PAWR: variants seen among roughly 807,000 people sequenced by gnomAD.
The protein encoded by PAWR is pro-apoptotic WT1 regulator.
Under a neutral mutation model 32.0 loss-of-function variants are expected in PAWR, and 23 were observed. That is an observed-to-expected ratio of 0.72 (90% confidence interval 0.52 to 1.02). The LOEUF is 1.02. PAWR is among the 50% of genes least tolerant of loss of function. The pLI is 0.00. For synonymous variants in PAWR, 226 were observed against 187.1 expected (o/e 1.21, Z -1.70); for missense variants, 457 against 437.7 (o/e 1.04, Z -0.39).
Position 79,690,233 on chromosome 12 carries a change from A to G in PAWR, c.12T>C (p.Gly4=). Residue 4 remains glycine, a synonymous_variant, in exon 2 of 7, where the codon GGT becomes GGC. Coordinates refer to ENST00000328827, the MANE Select transcript of PAWR (RefSeq NM_002583.4). Reference sequence around the variant, plus strand: ...CGAGGCCGCTGCTGGTCCGGTAGCCACCGGTCGCCATATTCCCAAAGGGGC... The same window carrying G: ...CGAGGCCGCTGCTGGTCCGGTAGCCGCCGGTCGCCATATTCCCAAAGGGGC... MAT[G]GYRTSSGLGG... The G allele has an allele frequency of 1.3e-6, 2 of 1,514,280 alleles. No individual in the cohort carries two copies. The highest frequency in any genetic ancestry group is 5.4e-5 in the East Asian group (2 of 36,704). 93.8% of individuals were successfully genotyped at this position (1,514,280 alleles called of 1,614,324 possible). A position where few individuals can be genotyped will look rare whatever the true frequency, so the allele number is the denominator to read the frequency against.
Position 79,668,765 on chromosome 12 carries a change from T to TGCTCACC in PAWR, c.516+20957_516+20963dup, listed in dbSNP as rs1220245921. On this transcript the variant is annotated intron_variant, in intron 2 of 6. Coordinates refer to ENST00000328827, the MANE Select transcript of PAWR (RefSeq NM_002583.4). ...GGTGAAGCTTTGCTCGCTTGCCCAC[T>TGCTCACC]GCTCACCTCCTGCTGTGTGGCCTGG... 2.6e-4 allele frequency among the ~76,000 whole-genome samples: 39 copies of TGCTCACC among 152,290 alleles called. No individual in the cohort carries two copies. The East Asian group carries it at 7.1e-3, about 28-fold the overall frequency.
chr12:79,689,570 G>C (rs1878863284), intron 2 of PAWR, among the ~76,000 whole-genome samples, 159 bp downstream of exon 2: 1 of 152,160 alleles, frequency 6.6e-6, no homozygotes, highest in African/African-American at 2.4e-5. Flanking sequence ...CATTTGTTCA[G>C]AGTAAAACTC....
At chr12:79,647,260 C>T (rs1429373252) in intron 2 of PAWR, among the ~76,000 whole-genome samples, 1 of 151,428 alleles carries the variant, frequency 6.6e-6, no homozygotes, top group East Asian at 1.9e-4. Context: ...GAGATAATTA[C>T]TAAATTTGGT....
At chr12:79,608,330 TG>T (rs1474501896) in intron 4 of PAWR, among the ~76,000 whole-genome samples, 4 of 152,150 alleles carry the variant, frequency 2.6e-5, no homozygotes, top group Non-Finnish European at 5.9e-5. Flanking sequence ...GGTTTCGGGA[TG>T]AAACTGTTCC....
chr12:79,654,420 C>CTT (rs5799436), intron 2 of PAWR, among the ~76,000 whole-genome samples: 69 of 149,146 alleles, frequency 4.6e-4, no homozygotes, highest in African/African-American at 1.5e-3. Context: ...CAAAAGATAG[C>CTT]TTTTTTTTTT....
chr12:79,628,054 G>C (rs1875428773), intron 2 of PAWR, among the ~76,000 whole-genome samples: 3 of 152,120 alleles, frequency 2.0e-5, no homozygotes, highest in Admixed American at 6.5e-5. Flanking sequence ...CACATAGTTA[G>C]AAGTAAAGCA....
intron 2 of PAWR, among the ~76,000 whole-genome samples, chr12:79,645,068 A>ACACACACACACACACACAC (rs1555175769): frequency 6.6e-6 from 1 of 151,232 alleles, no homozygotes; most frequent in Non-Finnish European, 1.5e-5. Context: ...ACACACACAC[A>ACACACACACACACACACAC]AAAATCAATG....
chr12:79,690,250 C>T lies in PAWR; in HGVS notation c.-6G>A. On this transcript the variant is annotated 5_prime_UTR_variant, in exon 2 of 7. Coordinates refer to ENST00000328827, the MANE Select transcript of PAWR (RefSeq NM_002583.4). ...CGGTAGCCACCGGTCGCCATATTCC[C>T]AAAGGGGCCGGTCGGGCTCTCACCT... 1.3e-6 allele frequency: 2 copies of T among 1,500,370 alleles called. No individual in the cohort carries two copies. Among genetic ancestry groups the T allele is most frequent in the Non-Finnish European group, 1.8e-6 (2 of 1,129,408 alleles). 92.9% of individuals were successfully genotyped at this position (1,500,370 alleles called of 1,614,324 possible). A position where few individuals can be genotyped will look rare whatever the true frequency, so the allele number is the denominator to read the frequency against.
chr12:79,681,148 G>A (rs1232578193), intron 2 of PAWR, among the ~76,000 whole-genome samples: 1 of 127,620 alleles, frequency 7.8e-6, no homozygotes, highest in East Asian at 2.4e-4. Context: ...GGAGGGGTGG[G>A]GAGGGGAGGG....
chr12:79,690,349 T>C lies in PAWR; in HGVS notation c.-105A>G, dbSNP rs1878951315. 2 of 1,348,354 alleles carry C rather than the reference T, an allele frequency of 1.5e-6. No homozygotes were observed. The highest frequency in any genetic ancestry group is 9.5e-7 in the Non-Finnish European group (1 of 1,054,336). The allele number at this position is 1,348,354 out of a possible 1,614,324, so 83.5% of individuals were successfully genotyped here. On this transcript the variant is annotated 5_prime_UTR_variant, in exon 2 of 7. Coordinates refer to ENST00000328827, the MANE Select transcript of PAWR (RefSeq NM_002583.4). The stretch of plus-strand genomic sequence containing the variant: ...GCCCCGAGGATGCCAGGAGACGACC[T>C]CCAGGAGAGGGACGGCCGCCGCTCC...
intron 5 of PAWR, 63 bp downstream of exon 5, chr12:79,596,448 T>C (rs779529739): frequency 3.2e-4 from 264 of 826,680 alleles, no homozygotes; most frequent in Non-Finnish European, 4.2e-4. Context: ...TCAGTTGCTA[T>C]GAAACAAAAG....
At chr12:79,656,419 A>G (rs1214815268) in intron 2 of PAWR, among the ~76,000 whole-genome samples, 1 of 152,178 alleles carries the variant, frequency 6.6e-6, no homozygotes, top group Non-Finnish European at 1.5e-5. Flanking sequence ...TTGACAACAT[A>G]CGGTGAATGG....
At chr12:79,614,414 TAC>T (rs1874628453) in intron 3 of PAWR, among the ~76,000 whole-genome samples, 1 of 152,092 alleles carries the variant, frequency 6.6e-6, no homozygotes, top group Non-Finnish European at 1.5e-5. Flanking sequence ...TTTTAAAGAC[TAC>T]ATATACAGCT....
rs1433057606 is a variant in PAWR, at chr12:79,690,188, G to A, written c.57C>T (p.Phe19=). ...CGCGTTTCGCCTTCCACTCCTCCAGGAAGTCTGTGGTGCTGCCGCCGAGGC... is the reference window on the plus strand; with the variant it reads ...CGCGTTTCGCCTTCCACTCCTCCAGAAAGTCTGTGGTGCTGCCGCCGAGGC... ...SSGLGGSTTD[F]LEEWKAKREK... Residue 19 remains phenylalanine (F), a synonymous_variant, in exon 2 of 7, where the codon TTC becomes TTT. Coordinates refer to ENST00000328827, the MANE Select transcript of PAWR (RefSeq NM_002583.4). 3 of 1,533,210 alleles carry A rather than the reference G, an allele frequency of 2.0e-6. No individual in the cohort carries two copies. Among genetic ancestry groups the A allele is most frequent in the African/African-American group, 2.8e-5 (2 of 71,022 alleles). 95.0% of individuals were successfully genotyped at this position (1,533,210 alleles called of 1,614,324 possible).
At chr12:79,625,968 T>C (rs1875283665) in intron 2 of PAWR, among the ~76,000 whole-genome samples, 1 of 149,184 alleles carries the variant, frequency 6.7e-6, no homozygotes, top group African/African-American at 2.5e-5. Context: ...ATCGAGACCA[T>C]CCTGGCTAAC....
At chr12:79,660,231 A>G (rs1255574514) in intron 2 of PAWR, among the ~76,000 whole-genome samples, 2 of 152,202 alleles carry the variant, frequency 1.3e-5, no homozygotes, top group Admixed American at 6.5e-5. Flanking sequence ...GAAATGAGGG[A>G]AACAGGTAAC....
chr12:79,621,332 A>T (rs544216966), intron 2 of PAWR, 125 bp from the exon 3 acceptor site: 1 of 725,358 alleles, frequency 1.4e-6, no homozygotes, highest in Non-Finnish European at 2.2e-6. Context: ...GCATAATAAA[A>T]GTATTTTTCT....
chr12:79,600,786 T>G (rs1318789901), intron 4 of PAWR, among the ~76,000 whole-genome samples: 1 of 151,944 alleles, frequency 6.6e-6, no homozygotes, highest in African/African-American at 2.4e-5. Flanking sequence ...TACTTAATTC[T>G]TACACATTTT....
intron 4 of PAWR, among the ~76,000 whole-genome samples, chr12:79,598,665 C>T (rs1408509006): frequency 2.0e-5 from 3 of 152,162 alleles, no homozygotes; most frequent in Non-Finnish European, 2.9e-5. Flanking sequence ...TTCAAATGTG[C>T]AATACCAAGA....
Sources: gnomAD v4.1 joint callset for allele counts (sites outside exome capture counted in the v4.1 genomes callset) on GRCh38, gnomAD v4.1.1 for gene constraint, MANE v1.5 for transcripts, NCBI Gene and HGNC (gene_info 2026-07-23, HGNC 2026-07-21) for gene names.